The following STK39 variants were observed in gnomAD, a reference collection of about 807,000 sequenced individuals.
The protein encoded by STK39 is STE20/SPS1-related proline-alanine-rich protein kinase.
STK39 carries 20 observed loss-of-function variants against 77.8 expected under a neutral mutation model. The ratio of observed to expected loss-of-function variants is 0.26; its 90% CI spans 0.18 to 0.37. STK39 has a LOEUF of 0.37. Ranked by LOEUF, STK39 falls within the 10% of genes least tolerant of loss-of-function variation. The probability of loss-of-function intolerance (pLI) is 1.00; values close to 1 mark genes in which losing one functional copy is unlikely to be tolerated. For synonymous variants in STK39, 246 were observed against 234.1 expected, an observed-to-expected ratio of 1.05 and a Z score of -0.47; for missense variants, 479 against 656.5, an observed-to-expected ratio of 0.73 and a Z score of 2.95.
intron 2 of STK39, among the ~76,000 whole-genome samples, chr2:168,173,251 G>A (rs937886694): frequency 2.6e-5 from 4 of 152,054 alleles, no homozygotes; most frequent in African/African-American, 4.8e-5. Context: ...CAATACCCTC[G>A]AAACATTTAA....
intron 10 of STK39, among the ~76,000 whole-genome samples, chr2:168,089,809 C>T (rs1451072306): frequency 6.6e-6 from 1 of 152,172 alleles, no homozygotes; most frequent in East Asian, 1.9e-4. Flanking sequence ...GATGGGGCTT[C>T]TCCATGTTGG....
intron 1 of STK39, among the ~76,000 whole-genome samples, chr2:168,206,425 C>T (rs1285826542): frequency 1.3e-5 from 2 of 152,016 alleles, no homozygotes; most frequent in East Asian, 1.9e-4. Context: ...CTCAGCCTCC[C>T]AAGTCATTGG....
intron 16 of STK39, among the ~76,000 whole-genome samples, chr2:168,008,197 C>T (rs918552355): frequency 6.6e-6 from 1 of 152,082 alleles, no homozygotes; most frequent in Non-Finnish European, 1.5e-5. Flanking sequence ...GAGATGAGGA[C>T]AGGCTGAAGG....
intron 1 of STK39, among the ~76,000 whole-genome samples, chr2:168,187,877 A>AT (rs991803120): frequency 1.3e-5 from 2 of 152,144 alleles, no homozygotes; most frequent in South Asian, 2.1e-4. Flanking sequence ...AAATGGCAAG[A>AT]TTTTTTTCAA....
At chr2:168,091,183 CAT>C (rs1491518602) in intron 10 of STK39, among the ~76,000 whole-genome samples, 70 of 146,156 alleles carry the variant, frequency 4.8e-4, no homozygotes, top group African/African-American at 1.2e-3. Context: ...CACACACACA[CAT>C]GATACAGCAC....
chr2:168,214,737 C>T (rs931039923), intron 1 of STK39, among the ~76,000 whole-genome samples: 14 of 151,926 alleles, frequency 9.2e-5, no homozygotes, highest in African/African-American at 2.4e-4. Context: ...GGGAAAGGCA[C>T]GAGTAAGGGA....
chr2:168,133,288 C>G (rs1687747657), intron 8 of STK39, among the ~76,000 whole-genome samples: 1 of 152,280 alleles, frequency 6.6e-6, no homozygotes, highest in Admixed American at 6.5e-5. Context: ...AAAGAAAACT[C>G]CTTTCTCTGC....
intron 10 of STK39, among the ~76,000 whole-genome samples, chr2:168,097,781 C>T (rs551416630): frequency 3.4e-4 from 52 of 151,498 alleles, no homozygotes; most frequent in Admixed American, 3.0e-3. Flanking sequence ...GTGGAATAAA[C>T]GGAATCAACT....
At chr2:168,139,825 T>G (rs894849593) in intron 7 of STK39, among the ~76,000 whole-genome samples, 3 of 152,094 alleles carry the variant, frequency 2.0e-5, no homozygotes, top group African/African-American at 7.2e-5. Context: ...GGCTCACTTA[T>G]ATCAGATCAG....
intron 10 of STK39, among the ~76,000 whole-genome samples, chr2:168,124,967 C>G (rs1402027199): frequency 1.3e-5 from 2 of 151,292 alleles, no homozygotes; most frequent in Non-Finnish European, 2.9e-5. Context: ...ATACTGGGGT[C>G]TGTAGGGGGG....
At chr2:167,986,922 G>A (rs1683575682) in intron 16 of STK39, among the ~76,000 whole-genome samples, 1 of 152,160 alleles carries the variant, frequency 6.6e-6, no homozygotes, top group Admixed American at 6.5e-5. Context: ...CTGACTTAGG[G>A]ATGATCATCA....
At chr2:168,231,366 T>G (rs1216378840) in intron 1 of STK39, among the ~76,000 whole-genome samples, 1 of 152,014 alleles carries the variant, frequency 6.6e-6, no homozygotes, top group Non-Finnish European at 1.5e-5. Flanking sequence ...TTTGTTAACA[T>G]AATAACAACA....
chr2:168,239,886 G>A (rs1481710713), intron 1 of STK39, among the ~76,000 whole-genome samples: 4 of 152,238 alleles, frequency 2.6e-5, no homozygotes, highest in Non-Finnish European at 4.4e-5. Context: ...TAGAGGCAGA[G>A]ATTGTTTGTG....
At chr2:168,077,869 G>T (rs952066392) in intron 10 of STK39, among the ~76,000 whole-genome samples, 2 of 150,500 alleles carry the variant, frequency 1.3e-5, no homozygotes, top group Non-Finnish European at 2.9e-5. Flanking sequence ...GGTCTTATTC[G>T]GGAATTGAAT....
At chr2:168,091,595 C>G (rs73971148) in intron 10 of STK39, among the ~76,000 whole-genome samples, 137 of 152,308 alleles carry the variant, frequency 9.0e-4, no homozygotes, top group Middle Eastern at 3.4e-3. Context: ...GAAAGACTGA[C>G]AGGTGTGACA....
At chr2:168,099,348 A>G (rs1686759722) in intron 10 of STK39, among the ~76,000 whole-genome samples, 1 of 152,204 alleles carries the variant, frequency 6.6e-6, no homozygotes, top group South Asian at 2.1e-4. Context: ...CCAAACACAA[A>G]AGGGGTTGTT....
At chr2:168,029,499 G>A (rs1684780982) in intron 14 of STK39, among the ~76,000 whole-genome samples, 1 of 152,204 alleles carries the variant, frequency 6.6e-6, no homozygotes, top group Admixed American at 6.5e-5. Flanking sequence ...CCCAGGTGCT[G>A]AAGACACAAT....
chr2:168,077,966 A>G (rs1278194999), intron 10 of STK39, among the ~76,000 whole-genome samples: 3 of 151,716 alleles, frequency 2.0e-5, no homozygotes, highest in African/African-American at 7.3e-5. Context: ...GAGAATGGAG[A>G]TTATTTACCC....
At chr2:168,176,052 T>G (rs1480657395) in intron 2 of STK39, among the ~76,000 whole-genome samples, 1 of 152,140 alleles carries the variant, frequency 6.6e-6, no homozygotes, top group Middle Eastern at 3.2e-3. Context: ...ATACGATGAA[T>G]GAGCTGGGAT....
Sources: allele counts gnomAD v4.1 joint callset (sites outside exome capture counted in the v4.1 genomes callset), GRCh38; gene constraint gnomAD v4.1.1; transcripts MANE v1.5; gene names NCBI Gene and HGNC (gene_info 2026-07-23, HGNC 2026-07-21).